CHD9: variants seen among roughly 807,000 people sequenced by gnomAD.
CHD9 encodes the protein ATP-dependent chromatin remodeler CHD9.
CHD9 carries 77 observed loss-of-function variants against 316.1 expected under a neutral mutation model. The ratio of observed to expected loss-of-function variants is 0.24; its 90% CI spans 0.20 to 0.29. The LOEUF is 0.29. Among genes scored for constraint, CHD9 ranks in the 10% least tolerant of loss-of-function variants. CHD9 has a pLI of 1.00. For synonymous variants in CHD9, 1,129 were observed against 1,158.3 expected (o/e 0.97, Z 0.51); for missense variants, 2,763 against 3,438.1 (o/e 0.80, Z 4.91).
At chr16:53,315,702 A>T (rs937499753) in intron 36 of CHD9, among the ~76,000 whole-genome samples, 1 of 151,990 alleles carries the variant, frequency 6.6e-6, no homozygotes, top group Non-Finnish European at 1.5e-5. Context: ...CTGGTCTCAA[A>T]CTCCTGGCCT....
intron 1 of CHD9, among the ~76,000 whole-genome samples, chr16:53,086,371 A>C (rs187775554): frequency 1.8e-4 from 27 of 152,298 alleles, no homozygotes; most frequent in African/African-American, 4.6e-4. Context: ...AATTATACAC[A>C]GACTGGGCTG....
At chr16:53,091,911 C>G (rs1025967752) in intron 1 of CHD9, among the ~76,000 whole-genome samples, 4 of 152,052 alleles carry the variant, frequency 2.6e-5, no homozygotes, top group African/African-American at 9.7e-5. Flanking sequence ...TCCTCCTTTC[C>G]TTTTCTTGTA....
rs755921220 is a variant in CHD9 at position 53,235,205 on chromosome 16, T to C, written c.2532T>C (p.Ile844=). ...CAAAGGACCGTCCTCCTTCTAATAT[T>C]TGGAAGAAAATAGATCAATCCAGGG... ...TRRLDRPPSN[I]WKKIDQSRDY... The change falls in exon 11 of 39, where the codon ATT becomes ATC. Residue 844 remains isoleucine, a synonymous_variant. Transcript: ENST00000447540. The C allele has an allele frequency of 3.2e-6, 5 of 1,555,928 alleles. No individual in the cohort carries two copies. The East Asian group carries it at 9.5e-5, about 29-fold the overall frequency.
chr16:53,268,904 G>C (rs2051949015), intron 22 of CHD9, among the ~76,000 whole-genome samples: 3 of 152,132 alleles, frequency 2.0e-5, no homozygotes, highest in Non-Finnish European at 4.4e-5. Flanking sequence ...CTGGGCTTAA[G>C]CCATCCTTCT....
At chr16:53,262,019 T>G (rs1459728835) in intron 19 of CHD9, among the ~76,000 whole-genome samples, 2 of 152,182 alleles carry the variant, frequency 1.3e-5, no homozygotes, top group African/African-American at 4.8e-5. Flanking sequence ...TCTTTTAAAT[T>G]TTATCAAGAC....
chr16:53,075,335 G>C (rs2034432060), intron 1 of CHD9, among the ~76,000 whole-genome samples: 1 of 152,160 alleles, frequency 6.6e-6, no homozygotes, highest in Non-Finnish European at 1.5e-5. Context: ...TGTGGACTTT[G>C]GGGTTAATGC....
At chr16:53,184,613 G>A (rs925369701) in intron 2 of CHD9, among the ~76,000 whole-genome samples, 2 of 152,170 alleles carry the variant, frequency 1.3e-5, no homozygotes, top group African/African-American at 4.8e-5. Flanking sequence ...CAAAAGTGCT[G>A]GGATTATAGA....
intron 25 of CHD9, 67 bp downstream of exon 25, chr16:53,285,766 C>A: frequency 2.5e-6 from 2 of 784,506 alleles, no homozygotes; most frequent in Admixed American, 2.7e-5. Context: ...GTTCTCAGTT[C>A]ATTGATTTCC....
chr16:53,199,841 G>A (rs1002451104), intron 2 of CHD9, among the ~76,000 whole-genome samples: 2 of 152,122 alleles, frequency 1.3e-5, no homozygotes, highest in Admixed American at 6.5e-5. Context: ...AATACGGTGG[G>A]GTTATGAACA....
At chr16:53,066,331 G>A (rs1318856832) in intron 1 of CHD9, among the ~76,000 whole-genome samples, 3 of 152,186 alleles carry the variant, frequency 2.0e-5, no homozygotes, top group Non-Finnish European at 4.4e-5. Flanking sequence ...CCAAGTCATC[G>A]AGTTTGCTGC....
intron 30 of CHD9, among the ~76,000 whole-genome samples, chr16:53,303,120 G>C (rs2055599075): frequency 6.6e-6 from 1 of 151,604 alleles, no homozygotes; most frequent in African/African-American, 2.4e-5. Flanking sequence ...TCCAACCTGT[G>C]GCCCAGGACA....
chr16:53,098,839 A>G (rs180884451), intron 1 of CHD9, among the ~76,000 whole-genome samples: 2 of 152,344 alleles, frequency 1.3e-5, no homozygotes, highest in Admixed American at 1.3e-4. Context: ...ACTGGGGTGC[A>G]TCATTAGATA....
At chr16:53,060,502 A>T (rs1177524059) in intron 1 of CHD9, among the ~76,000 whole-genome samples, 1 of 151,726 alleles carries the variant, frequency 6.6e-6, no homozygotes, top group African/African-American at 2.4e-5. Context: ...TCACACCTGT[A>T]ATTCCAGAAC....
At chr16:53,264,529 A>G (rs2152995215) in intron 20 of CHD9, among the ~76,000 whole-genome samples, 1 of 152,326 alleles carries the variant, frequency 6.6e-6, no homozygotes, top group East Asian at 1.9e-4. Flanking sequence ...AATGATGCTT[A>G]CAATGTGATC....
At position 53,242,945 on chromosome 16, in the gene CHD9, A is replaced by G; in HGVS notation, c.2983A>G (p.Ile995Val). 1 of 1,612,880 alleles carries G rather than the reference A, an allele frequency of 6.2e-7. No homozygotes were observed. Among genetic ancestry groups the G allele is most frequent in the East Asian group, 2.2e-5 (1 of 44,806 alleles). Residue 995 changes from isoleucine to valine, a missense_variant, in exon 13 of 39, where the codon ATT becomes GTT. This residue lies in a region of CHD9 where 155 missense variants were observed against 291.8 expected (regional missense o/e 0.53). Transcript: ENST00000447540. ...TAATGCAATTGAATGGCGATGTGTG[A>G]TTATTGATGAAGCACATAGGTTAAA... ...ELNAIEWRCV[I>V]IDEAHRLKNK... is the part of the protein sequence containing the mutation.
intron 1 of CHD9, among the ~76,000 whole-genome samples, chr16:53,077,509 A>T (rs2034643207): frequency 6.6e-6 from 1 of 150,996 alleles, no homozygotes; most frequent in Non-Finnish European, 1.5e-5. Context: ...TTGTATTTTT[A>T]GTAGAGACGG....
At position 53,268,030 on chromosome 16, in the gene CHD9, G is replaced by T; in HGVS notation, c.4621G>T (p.Val1541Phe). The T allele has an allele frequency of 6.2e-7, 1 of 1,613,460 alleles. No individual in the cohort carries two copies. The highest frequency in any genetic ancestry group is 1.7e-4 in the Middle Eastern group (1 of 6,058). Residue 1541 changes from valine (V) to phenylalanine (F), a missense_variant, in exon 22 of 39, where the codon GTT becomes TTT. Around this residue, in one of 15 missense-constraint regions of CHD9, gnomAD observed 99 missense variants for 131.6 expected, o/e 0.75. Transcript: ENST00000447540. ...CCGAGCTCTCTTAGCATATTGCCTT[G>T]TTCACTACCGAGGAGATGAGAAGAT... ...ICRALLAYCL[V>F]HYRGDEKIKG...
intron 27 of CHD9, 122 bp downstream of exon 27, chr16:53,288,136 A>C: frequency 1.4e-6 from 1 of 700,964 alleles, no homozygotes; most frequent in Non-Finnish European, 2.5e-6. Flanking sequence ...TCCTCAGATT[A>C]GCTAAGTAAG....
chr16:53,104,177 A>G lies in CHD9; in HGVS notation c.-165+49100A>G, dbSNP rs1481531850. 2.0e-5 allele frequency among the ~76,000 whole-genome samples: 3 copies of G among 152,166 alleles called. No individual in the cohort carries two copies. The East Asian group carries it at 5.8e-4, about 29-fold the overall frequency. On this transcript the variant is annotated intron_variant, in intron 1 of 38. Transcript: ENST00000447540. Reference sequence around the variant, plus strand: ...TTGGAGGAAAAGGGTGAACTCTGACATTTTATTTTTTCCCCCTTGTATTTA... The same window carrying G: ...TTGGAGGAAAAGGGTGAACTCTGACGTTTTATTTTTTCCCCCTTGTATTTA...
Sources: gnomAD v4.1 joint callset for allele counts (sites outside exome capture counted in the v4.1 genomes callset) on GRCh38, gnomAD v4.1.1 for gene constraint, gnomAD v4.1.1 regional missense constraint, MANE v1.5 for transcripts, NCBI Gene and HGNC (gene_info 2026-07-23, HGNC 2026-07-21) for gene names.